The following ABLIM2 variants were observed in gnomAD, a reference collection of about 807,000 sequenced individuals.
ABLIM2 encodes the protein actin binding LIM protein family member 2.
Under a neutral mutation model 97.7 loss-of-function variants are expected in ABLIM2, and 53 were observed. The ratio of observed to expected loss-of-function variants is 0.54; its 90% CI spans 0.44 to 0.68. The LOEUF (loss-of-function observed/expected upper bound fraction) is 0.68. ABLIM2 is among the 30% of genes least tolerant of loss of function. The pLI, the probability that ABLIM2 is intolerant of heterozygous loss-of-function variation, is 0.00. For synonymous variants in ABLIM2, 361 were observed against 345.8 expected, an observed-to-expected ratio of 1.04 and a Z score of -0.49; for missense variants, 835 against 867.2, an observed-to-expected ratio of 0.96 and a Z score of 0.47.
intron 10 of ABLIM2, among the ~76,000 whole-genome samples, chr4:8,031,485 A>T (rs1780875930): frequency 1.3e-5 from 2 of 152,200 alleles, no homozygotes; most frequent in East Asian, 1.9e-4. Context: ...GGGATACAGC[A>T]CCCAGGTACC....
chr4:8,146,374 A>T (rs1190103881), intron 1 of ABLIM2, among the ~76,000 whole-genome samples: 1 of 152,196 alleles, frequency 6.6e-6, no homozygotes, highest in Admixed American at 6.5e-5. Flanking sequence ...GATTTAACAC[A>T]GGGCAGACGT....
chr4:7,970,816 C>T lies in ABLIM2; in HGVS notation c.1825-3713G>A, dbSNP rs1727297739. On this transcript the variant is annotated intron_variant, in intron 20 of 20. Coordinates refer to ENST00000447017, the MANE Select transcript of ABLIM2 (RefSeq NM_001130083.2). This position sits in a 1 kb window ranked among gnomAD's most constrained non-coding sequence, Gnocchi z 5.3. Reference sequence around the variant, plus strand: ...TGGGGAGCAGCCTGGTTGGGCAGACCACAGCAACAGGGAGGGGCCGGGGGT... The same window carrying T: ...TGGGGAGCAGCCTGGTTGGGCAGACTACAGCAACAGGGAGGGGCCGGGGGT... Among the ~76,000 whole-genome samples, 2 of 151,942 alleles carry T rather than the reference C, an allele frequency of 1.3e-5. No homozygotes were observed. The highest frequency in any genetic ancestry group is 4.8e-5 in the African/African-American group (2 of 41,470).
intron 1 of ABLIM2, among the ~76,000 whole-genome samples, chr4:8,129,694 C>T (rs1849090414): frequency 6.6e-6 from 1 of 152,136 alleles, no homozygotes; most frequent in Non-Finnish European, 1.5e-5. Context: ...CACCTTTCAG[C>T]AGCAGCCAGT....
chr4:8,112,601 A>G lies in ABLIM2; in HGVS notation c.11-5964T>C, dbSNP rs1022388911. ...AGGTCTACTCGAGGTTTCCCAGTCC[A>G]GAGCGGGAGTCCACAAGCATTTTCA... On this transcript the variant is annotated intron_variant, in intron 1 of 20. Coordinates refer to ENST00000447017, the MANE Select transcript of ABLIM2 (RefSeq NM_001130083.2). This position sits in a 1 kb window ranked among gnomAD's most constrained non-coding sequence, Gnocchi z 4.2. Among the ~76,000 whole-genome samples, 1 of 152,340 alleles carries G rather than the reference A, an allele frequency of 6.6e-6. No homozygotes were observed. Among genetic ancestry groups the G allele is most frequent in the East Asian group, 1.9e-4 (1 of 5,190 alleles).
chr4:8,001,132 A>G lies in ABLIM2; in HGVS notation c.1618+6927T>C, dbSNP rs1578312249. 6.6e-6 allele frequency among the ~76,000 whole-genome samples: 1 copy of G among 151,994 alleles called. No individual in the cohort carries two copies. The highest frequency in any genetic ancestry group is 2.4e-5 in the African/African-American group (1 of 41,380). ...GTGTGTCCATCTGAGGAAGACGGGC[A>G]CCCCTCATCCCTGAGCAGCGGTGAA... On this transcript the variant is annotated intron_variant, in intron 16 of 20. Transcript: ENST00000447017. This position sits in a 1 kb window ranked among gnomAD's most constrained non-coding sequence, Gnocchi z 4.2.
rs1319476363 is a variant in ABLIM2 at position 8,158,708 on chromosome 4, T to A, written c.-19A>T. The A allele has an allele frequency of 6.9e-7, 1 of 1,451,602 alleles. No homozygotes were observed. The highest frequency in any genetic ancestry group is 1.3e-5 in the South Asian group (1 of 75,054). 89.9% of individuals were successfully genotyped at this position (1,451,602 alleles called of 1,614,324 possible). On this transcript the variant is annotated 5_prime_UTR_variant, in exon 1 of 21. Transcript: ENST00000447017. ...CACTCATCTCAGCAGCCGCTCGGAGTCGGGGCGGCCCGGCGCTGCGACAGC... is the reference window on the plus strand; with the variant it reads ...CACTCATCTCAGCAGCCGCTCGGAGACGGGGCGGCCCGGCGCTGCGACAGC...
rs1378501428 is a variant in ABLIM2 at position 8,138,408 on chromosome 4, C to A, written c.10+20272G>T. Among the ~76,000 whole-genome samples, 5 of 152,022 alleles carry A rather than the reference C, an allele frequency of 3.3e-5. No homozygotes were observed. In the East Asian group the frequency reaches 9.6e-4, roughly 29 times the overall value. ...TGGAACCAAAAAAGAGCTCATATAG[C>A]CAAGACAAACCTGAGCAAAAAGACC... On this transcript the variant is annotated intron_variant, in intron 1 of 20. Coordinates refer to ENST00000447017, the MANE Select transcript of ABLIM2 (RefSeq NM_001130083.2).
chr4:8,075,809 G>C lies in ABLIM2; in HGVS notation c.675+1819C>G, dbSNP rs564940055. On this transcript the variant is annotated intron_variant, in intron 6 of 20. Coordinates refer to ENST00000447017, the MANE Select transcript of ABLIM2 (RefSeq NM_001130083.2). This position sits in a 1 kb window ranked among gnomAD's most constrained non-coding sequence, Gnocchi z 4.4. Reference sequence around the variant, plus strand: ...AATACCAAAAGAAGAAATGCTTATGGGGAGTTTATAATAAACTGGAAATCT... The same window carrying C: ...AATACCAAAAGAAGAAATGCTTATGCGGAGTTTATAATAAACTGGAAATCT... Among the ~76,000 whole-genome samples, 4 of 152,216 alleles carry C rather than the reference G, an allele frequency of 2.6e-5. No individual in the cohort carries two copies. Among genetic ancestry groups the C allele is most frequent in the Admixed American group, 6.5e-5 (1 of 15,284 alleles).
In ABLIM2 at chr4:8,012,025, C is replaced by A. The variant is rs950162034; in HGVS notation, c.1424-2923G>T. On this transcript the variant is annotated intron_variant, in intron 14 of 20. Transcript: ENST00000447017. Reference sequence around the variant, plus strand: ...TTACCTACTTATCCATGCACCCACTCCTTTAACTATCTGTCCATTCATCCA... The same window carrying A: ...TTACCTACTTATCCATGCACCCACTACTTTAACTATCTGTCCATTCATCCA... Among the ~76,000 whole-genome samples the A allele has an allele frequency of 3.9e-5, 6 of 152,294 alleles. 1 individual carries two copies. The highest frequency in any genetic ancestry group is 3.9e-4 in the Admixed American group (6 of 15,290).
In ABLIM2 at chr4:8,042,766, G is replaced by C. The variant is rs535938838; in HGVS notation, c.900+2398C>G. 2.2e-4 allele frequency among the ~76,000 whole-genome samples: 33 copies of C among 151,786 alleles called. 1 individual carries two copies. Among genetic ancestry groups the C allele is most frequent in the South Asian group, 4.2e-4 (2 of 4,784 alleles). On this transcript the variant is annotated intron_variant, in intron 9 of 20. Transcript: ENST00000447017. ...AGGCAGGAGAATCGCTTGAACCCAG[G>C]GGGTGGAGGTTGCAGTGAGCTGAGA...
chr4:8,098,300 G>A (rs1832735039), intron 2 of ABLIM2, among the ~76,000 whole-genome samples: 1 of 152,232 alleles, frequency 6.6e-6, no homozygotes, highest in African/African-American at 2.4e-5. Context: ...GAGAAACCAT[G>A]TAGCCCTCAT....
chr4:7,994,059 C>T (rs1365743735), intron 16 of ABLIM2: 1 of 400,014 alleles, frequency 2.5e-6, no homozygotes, highest in South Asian at 1.8e-5. Context: ...GGGCAGGACC[C>T]TCCACACCCA....
rs937439856 is a variant in ABLIM2, at chr4:8,004,944, C to G, written c.1618+3115G>C. The stretch of plus-strand genomic sequence containing the variant: ...TGGGGATGGCTCCCGGGTTTGTCAC[C>G]GCCATAAAGTCCTCTGGCTTCCCTG... On this transcript the variant is annotated intron_variant, in intron 16 of 20. Transcript: ENST00000447017. The surrounding 1 kb of genome is among the most constrained non-coding windows in gnomAD (Gnocchi z 5.9). Among the ~76,000 whole-genome samples, 2 of 152,204 alleles carry G rather than the reference C, an allele frequency of 1.3e-5. No homozygotes were observed. Among genetic ancestry groups the G allele is most frequent in the Non-Finnish European group, 2.9e-5 (2 of 68,038 alleles).
chr4:7,993,501 T>C (rs978670418), intron 16 of ABLIM2, among the ~76,000 whole-genome samples: 16 of 152,042 alleles, frequency 1.1e-4, no homozygotes, highest in Admixed American at 7.9e-4. Context: ...CTGGGCAACA[T>C]AGCAAGACCA....
intron 6 of ABLIM2, among the ~76,000 whole-genome samples, chr4:8,065,532 C>T (rs978450650): frequency 1.3e-5 from 2 of 152,140 alleles, no homozygotes; most frequent in Non-Finnish European, 2.9e-5. Flanking sequence ...CTGTGGAAGA[C>T]AGTGTATTGG....
chr4:7,990,467 T>C (rs1228204510), intron 17 of ABLIM2, among the ~76,000 whole-genome samples: 1 of 152,186 alleles, frequency 6.6e-6, no homozygotes, highest in Non-Finnish European at 1.5e-5. Context: ...ATTACAGGTA[T>C]GAGCAACCAC....
chr4:8,085,606 G>T lies in ABLIM2; in HGVS notation c.454+2563C>A, dbSNP rs1823014309. ...GCCCCGTCCACTCACGCGGGTCTGG[G>T]GGGTGCCCACGCTGCAGCCCTGTCC... is the stretch of plus-strand genomic sequence containing the variant. On this transcript the variant is annotated intron_variant, in intron 4 of 20. Coordinates refer to ENST00000447017, the MANE Select transcript of ABLIM2 (RefSeq NM_001130083.2). This position sits in a 1 kb window ranked among gnomAD's most constrained non-coding sequence, Gnocchi z 6.1. 6.7e-6 allele frequency among the ~76,000 whole-genome samples: 1 copy of T among 150,000 alleles called. No homozygotes were observed. Among genetic ancestry groups the T allele is most frequent in the Non-Finnish European group, 1.5e-5 (1 of 67,606 alleles).
rs534452855 is a variant in ABLIM2, at chr4:8,148,417, C to T, written c.10+10263G>A. Among the ~76,000 whole-genome samples the T allele has an allele frequency of 1.1e-4, 16 of 152,170 alleles. No homozygotes were observed. Among genetic ancestry groups the T allele is most frequent in the South Asian group, 2.1e-4 (1 of 4,822 alleles). ...GGAGGTGAGGGAGCCGCTCAGGACG[C>T]GGGGGGGCCATGGCGCACCACAGTT... is the stretch of plus-strand genomic sequence containing the variant. On this transcript the variant is annotated intron_variant, in intron 1 of 20. Coordinates refer to ENST00000447017, the MANE Select transcript of ABLIM2 (RefSeq NM_001130083.2). The surrounding 1 kb of genome is among the most constrained non-coding windows in gnomAD (Gnocchi z 6.7).
intron 3 of ABLIM2, among the ~76,000 whole-genome samples, chr4:8,089,569 T>C (rs914075028): frequency 6.6e-6 from 1 of 151,944 alleles, no homozygotes; most frequent in Admixed American, 6.6e-5. Context: ...ACCTGGTCTC[T>C]ACTAAAAACA....
Sources: gnomAD v4.1 joint callset for allele counts (sites outside exome capture counted in the v4.1 genomes callset) on GRCh38, gnomAD v4.1.1 for gene constraint, Gnocchi (gnomAD v3.1) non-coding constraint, MANE v1.5 for transcripts, NCBI Gene and HGNC (gene_info 2026-07-23, HGNC 2026-07-21) for gene names.